Variants in GALR1 observed in about 807,000 individuals in gnomAD.
GALR1 encodes galanin receptor 1.
In GALR1, 11 loss-of-function variants were observed where a neutral mutation model predicts 17.9. That is an observed-to-expected ratio of 0.62 (90% CI 0.39 to 1.02). The LOEUF is 1.02. Among genes scored for constraint, GALR1 ranks in the 50% least tolerant of loss-of-function variants. The pLI, the probability that GALR1 is intolerant of heterozygous loss-of-function variation, is 0.01. For missense variants in GALR1, 441 were observed against 456.9 expected (o/e 0.97, Z 0.32); for synonymous variants, 206 against 205.7 (o/e 1.00, Z -0.01).
intron 2 of GALR1, 31 bp from the exon 3 acceptor site, chr18:77,268,554 T>G: frequency 6.5e-7 from 1 of 1,531,568 alleles, no homozygotes; most frequent in Middle Eastern, 1.7e-4. Flanking sequence ...CTCCTCCTCC[T>G]CCTCCTCCTC....
intron 1 of GALR1, among the ~76,000 whole-genome samples, chr18:77,254,478 C>G (rs1334142158): frequency 1.3e-5 from 2 of 152,238 alleles, no homozygotes; most frequent in Non-Finnish European, 2.9e-5. Flanking sequence ...CGTTATGAAG[C>G]TGGTCACATT....
In GALR1 at chr18:77,269,103, T is replaced by G. The variant is rs1197131260; in HGVS notation, c.*201T>G. On this transcript the variant is annotated 3_prime_UTR_variant, in exon 3 of 3. Coordinates refer to ENST00000299727, the MANE Select transcript of GALR1 (RefSeq NM_001480.4). ...GTCTAGTGAGAATTATTTTTCAATTTTATTTTAGTTCTAAATTATGTTTCA... is the reference window on the plus strand; with the variant it reads ...GTCTAGTGAGAATTATTTTTCAATTGTATTTTAGTTCTAAATTATGTTTCA... 3 of 561,174 alleles carry G rather than the reference T, an allele frequency of 5.3e-6. No individual in the cohort carries two copies. The highest frequency in any genetic ancestry group is 9.4e-6 in the Non-Finnish European group (3 of 320,410). The allele number at this position is 561,174 out of a possible 1,614,324, so 34.8% of individuals were successfully genotyped here. A position where few individuals can be genotyped will look rare whatever the true frequency, so the allele number is the denominator to read the frequency against.
At chr18:77,264,799 A>G (rs928862571) in intron 2 of GALR1, among the ~76,000 whole-genome samples, 7 of 152,210 alleles carry the variant, frequency 4.6e-5, no homozygotes, top group African/African-American at 1.2e-4. Context: ...AAAAGCCCCT[A>G]TAAAACCATC....
Position 77,251,227 on chromosome 18 carries a change from C to T in GALR1, c.666+13C>T. On this transcript the variant is annotated intron_variant, in intron 1 of 2. Transcript: ENST00000299727. ...CTGCTATGCCAAGGTGCACGCCGGT[C>T]GCGGGGCCGAGACGCGCGAGGGAGG... 1 of 1,584,866 alleles carries T rather than the reference C, an allele frequency of 6.3e-7. No homozygotes were observed. Among genetic ancestry groups the T allele is most frequent in the South Asian group, 1.1e-5 (1 of 89,294 alleles).
chr18:77,271,922 G>A lies in GALR1; in HGVS notation c.*3020G>A. The A allele has an allele frequency of 6.6e-6, 1 of 152,304 alleles. No homozygotes were observed. The highest frequency in any genetic ancestry group is 3.4e-3 in the Middle Eastern group (1 of 294). The allele number at this position is 152,304 out of a possible 1,614,324, so 9.4% of individuals were successfully genotyped here. A position where few individuals can be genotyped will look rare whatever the true frequency, so the allele number is the denominator to read the frequency against. ...ACGTTTTCTTGTCCTATATCCTGGG[G>A]ATAGGAAACAGATTCTCTGTGCTCT... On this transcript the variant is annotated 3_prime_UTR_variant, in exon 3 of 3. Coordinates refer to ENST00000299727, the MANE Select transcript of GALR1 (RefSeq NM_001480.4).
chr18:77,258,832 G>GATC (rs1912696204), intron 2 of GALR1, among the ~76,000 whole-genome samples: 1 of 77,600 alleles, frequency 1.3e-5, no homozygotes, highest in African/African-American at 5.4e-5. Flanking sequence ...TGGTGCTGGT[G>GATC]ATGGTGGTGA....
At position 77,274,676 on chromosome 18, in the gene GALR1, C is replaced by T. The variant is rs912411754; in HGVS notation, c.*5774C>T. The T allele has an allele frequency of 2.0e-5, 3 of 152,184 alleles. No individual in the cohort carries two copies. Among genetic ancestry groups the T allele is most frequent in the Non-Finnish European group, 4.4e-5 (3 of 68,044 alleles). 9.4% of individuals were successfully genotyped at this position (152,184 alleles called of 1,614,324 possible). ...GCTGATGGCAGAAGCAGGCTCCCAGCTCCTCTTCTTCTGCTCAGCCAGGTG... is the reference window on the plus strand; with the variant it reads ...GCTGATGGCAGAAGCAGGCTCCCAGTTCCTCTTCTTCTGCTCAGCCAGGTG... On this transcript the variant is annotated 3_prime_UTR_variant, in exon 3 of 3. Coordinates refer to ENST00000299727, the MANE Select transcript of GALR1 (RefSeq NM_001480.4).
rs1423065043 is a variant in GALR1, at chr18:77,273,191, G to C, written c.*4289G>C. ...CATACCTTGGCAGGCCCTGGCTTTC[G>C]TTTCTCTGTGGTGCCTGGTGCTACT... On this transcript the variant is annotated 3_prime_UTR_variant, in exon 3 of 3. Coordinates refer to ENST00000299727, the MANE Select transcript of GALR1 (RefSeq NM_001480.4). 3 of 152,226 alleles carry C rather than the reference G, an allele frequency of 2.0e-5. No homozygotes were observed. The highest frequency in any genetic ancestry group is 4.4e-5 in the Non-Finnish European group (3 of 68,096). The allele number at this position is 152,226 out of a possible 1,614,324, so 9.4% of individuals were successfully genotyped here. A position where few individuals can be genotyped will look rare whatever the true frequency, so the allele number is the denominator to read the frequency against.
chr18:77,251,676 TG>T (rs1375107324), intron 1 of GALR1, among the ~76,000 whole-genome samples: 2 of 152,080 alleles, frequency 1.3e-5, no homozygotes, highest in Non-Finnish European at 2.9e-5. Flanking sequence ...AGAGCTCTGG[TG>T]GTCACCAGAG....
intron 1 of GALR1, chr18:77,253,748 A>C (rs1445700296): frequency 6.6e-6 from 1 of 152,244 alleles, no homozygotes; most frequent in Non-Finnish European, 1.5e-5. Flanking sequence ...GCCTGAAAAA[A>C]CACAGATGGC....
rs1454110830 is a variant in GALR1, at chr18:77,275,884, G to A, written c.*6982G>A. ...AAAAGAGGCTTCGGTAGCGTCCTCA[G>A]GCCCGCGTGCCCTGTGTTCTTAACA... On this transcript the variant is annotated 3_prime_UTR_variant, in exon 3 of 3. Transcript: ENST00000299727. 1 of 152,190 alleles carries A rather than the reference G, an allele frequency of 6.6e-6. No homozygotes were observed. The highest frequency in any genetic ancestry group is 2.4e-5 in the African/African-American group (1 of 41,440). 9.4% of individuals were successfully genotyped at this position (152,190 alleles called of 1,614,324 possible). A position where few individuals can be genotyped will look rare whatever the true frequency, so the allele number is the denominator to read the frequency against.
chr18:77,255,437 T>C (rs564284775), intron 1 of GALR1, among the ~76,000 whole-genome samples: 2 of 152,164 alleles, frequency 1.3e-5, no homozygotes, highest in Non-Finnish European at 2.9e-5. Context: ...CTTGCAAAAA[T>C]GTTCTGTAAA....
intron 2 of GALR1, among the ~76,000 whole-genome samples, chr18:77,259,622 ATGGTGCCAGTGGTGG>A (rs1010573564): frequency 8.4e-5 from 12 of 142,566 alleles, no homozygotes; most frequent in African/African-American, 3.2e-4. Context: ...GGTGGTGGCG[ATGGTGCCAGTGGTGG>A]TGGTGACAGT....
At chr18:77,258,011 G>C (rs574468807) in intron 2 of GALR1, among the ~76,000 whole-genome samples, 1 of 152,296 alleles carries the variant, frequency 6.6e-6, no homozygotes, top group African/African-American at 2.4e-5. Flanking sequence ...GGTAGTTTTA[G>C]TCTCCATATT....
intron 1 of GALR1, among the ~76,000 whole-genome samples, chr18:77,252,992 C>T (rs868035652): frequency 0.013 from 375 of 29,906 alleles, 2 homozygotes; most frequent in Middle Eastern, 0.052. Context: ...ACCACCATCA[C>T]CACCACCACC....
chr18:77,250,669 G>C lies in GALR1; in HGVS notation c.121G>C (p.Gly41Arg). ...GAACTTCGTCACGCTGGTGGTGTTCGGCCTGATCTTCGCGCTGGGTGTGCT... is the reference window on the plus strand; with the variant it reads ...GAACTTCGTCACGCTGGTGGTGTTCCGCCTGATCTTCGCGCTGGGTGTGCT... Reference protein sequence around the residue: ...VENFVTLVVFGLIFALGVLGN... With the variant: ...VENFVTLVVFRLIFALGVLGN... The change falls in exon 1 of 3, where the codon GGC becomes CGC. Residue 41 changes from glycine to arginine, a missense_variant. Transcript: ENST00000299727. The C allele has an allele frequency of 6.2e-7, 1 of 1,611,748 alleles. No homozygotes were observed. The highest frequency in any genetic ancestry group is 8.5e-7 in the Non-Finnish European group (1 of 1,179,474).
chr18:77,268,712 C>T lies in GALR1; in HGVS notation c.860C>T (p.Thr287Ile), dbSNP rs750585389. The T allele has an allele frequency of 1.2e-6, 2 of 1,614,180 alleles. No homozygotes were observed. Among genetic ancestry groups the T allele is most frequent in the South Asian group, 2.2e-5 (2 of 91,086 alleles). ...LTPASFLFRITAHCLAYSNSS... is the reference protein window; with the variant it reads ...LTPASFLFRIIAHCLAYSNSS... The stretch of plus-strand genomic sequence containing the variant: ...CCGGCTTCCTTCCTCTTCAGAATCA[C>T]CGCCCACTGCCTGGCGTACAGCAAT... The change falls in exon 3 of 3, where the codon ACC (threonine) becomes ATC (isoleucine). Residue 287 changes from threonine (T) to isoleucine (I), a missense_variant. Transcript: ENST00000299727.
At chr18:77,266,510 G>T (rs1912946165) in intron 2 of GALR1, among the ~76,000 whole-genome samples, 3 of 152,136 alleles carry the variant, frequency 2.0e-5, no homozygotes, top group Non-Finnish European at 4.4e-5. Context: ...TATCTTTACA[G>T]CAGTGCCCCA....
rs1913155164 is a variant in GALR1 at position 77,276,206 on chromosome 18, T to C, written c.*7304T>C. 6.6e-6 allele frequency: 1 copy of C among 152,252 alleles called. No individual in the cohort carries two copies. Among genetic ancestry groups the C allele is most frequent in the African/African-American group, 2.4e-5 (1 of 41,464 alleles). 9.4% of individuals were successfully genotyped at this position (152,252 alleles called of 1,614,324 possible). A position where few individuals can be genotyped will look rare whatever the true frequency, so the allele number is the denominator to read the frequency against. ...CTTGGGTACAATTGAACAAATCTTT[T>C]AATCTCTTCAGTTCTATCTGCCTAA... On this transcript the variant is annotated 3_prime_UTR_variant, in exon 3 of 3. Transcript: ENST00000299727.
Sources: gnomAD v4.1 joint callset for allele counts (sites outside exome capture counted in the v4.1 genomes callset) on GRCh38, gnomAD v4.1.1 for gene constraint, MANE v1.5 for transcripts, NCBI Gene and HGNC (gene_info 2026-07-23, HGNC 2026-07-21) for gene names.